SARNP: variants seen among roughly 807,000 people sequenced by gnomAD.
The protein encoded by SARNP is SAP domain containing ribonucleoprotein, also known as SAP domain-containing ribonucleoprotein.
A neutral mutation model predicts 38.1 loss-of-function variants in SARNP; 5 were observed. That is an observed-to-expected ratio of 0.13 (90% CI 0.07 to 0.28). SARNP has a LOEUF of 0.28. Among genes scored for constraint, SARNP ranks in the 10% least tolerant of loss-of-function variants. The pLI is 1.00. For missense variants in SARNP, 180 were observed against 243.9 expected (o/e 0.74, Z 1.75); for synonymous variants, 84 against 80.6 (o/e 1.04, Z -0.23).
At chr12:55,779,148 T>C (rs1879269801) in intron 9 of SARNP, among the ~76,000 whole-genome samples, 1 of 152,234 alleles carries the variant, frequency 6.6e-6, no homozygotes, top group Non-Finnish European at 1.5e-5. Context: ...GCTATCTCTA[T>C]CTACCATAGA....
At chr12:55,760,258 T>C (rs1878633555) in intron 10 of SARNP, among the ~76,000 whole-genome samples, 1 of 151,916 alleles carries the variant, frequency 6.6e-6, no homozygotes, top group African/African-American at 2.4e-5. Flanking sequence ...TCCCAGCAAT[T>C]TGGGAGCTGA....
intron 1 of SARNP, among the ~76,000 whole-genome samples, chr12:55,817,064 A>T (rs1880511035): frequency 1.3e-5 from 2 of 152,260 alleles, no homozygotes; most frequent in South Asian, 4.1e-4. Context: ...AGGTGTCTGT[A>T]CTTCTACTAT....
intron 2 of SARNP, 31 bp downstream of exon 2, chr12:55,803,598 T>C: frequency 7.4e-7 from 1 of 1,351,366 alleles, no homozygotes; most frequent in Non-Finnish European, 1.0e-6. Context: ...ATCCCCTCAC[T>C]CACATCACTC....
chr12:55,757,617 T>A, intron 10 of SARNP, 64 bp from the exon 11 acceptor site: 2 of 1,344,136 alleles, frequency 1.5e-6, no homozygotes, highest in Non-Finnish European at 2.1e-6. Flanking sequence ...GGTTCCTGGC[T>A]GCTTTAATCC....
Position 55,770,589 on chromosome 12 carries a change from T to C in SARNP, c.502-9949A>G, listed in dbSNP as rs563306836. Among the ~76,000 whole-genome samples the C allele has an allele frequency of 8.4e-4, 128 of 152,180 alleles. 1 individual carries two copies. The highest frequency in any genetic ancestry group is 3.4e-3 in the Middle Eastern group (1 of 294). On this transcript the variant is annotated intron_variant, in intron 9 of 10. Transcript: ENST00000336133. ...GTTCTTAGCAATGATTTCCATGGCA[T>C]ATATACTGTAGCCAGGAAGTAAGTT...
intron 4 of SARNP, 76 bp from the exon 5 acceptor site, chr12:55,796,152 A>C: frequency 9.8e-7 from 1 of 1,021,924 alleles, no homozygotes; most frequent in Non-Finnish European, 1.5e-6. Context: ...GTAAGAATTC[A>C]CCTGAGTCAC....
chr12:55,795,512 G>A (rs1050560154), intron 5 of SARNP, among the ~76,000 whole-genome samples: 1 of 152,188 alleles, frequency 6.6e-6, no homozygotes, highest in Non-Finnish European at 1.5e-5. Context: ...CAAAGGAATA[G>A]CTTGGTTCCA....
chr12:55,782,865 C>T lies in SARNP; in HGVS notation c.501+6210G>A, dbSNP rs935723324. ...ATGGCTCATGGCCGTAATCTCAGCA[C>T]TTTGGGAGGCTGAGGCTGGCGGACT... On this transcript the variant is annotated intron_variant, in intron 9 of 10. Coordinates refer to ENST00000336133, the MANE Select transcript of SARNP (RefSeq NM_033082.4). Among the ~76,000 whole-genome samples, 17 of 152,204 alleles carry T rather than the reference C, an allele frequency of 1.1e-4. No homozygotes were observed. The South Asian group carries it at 1.7e-3, about 15-fold the overall frequency.
At chr12:55,787,130 G>A (rs1879520627) in intron 9 of SARNP, among the ~76,000 whole-genome samples, 1 of 151,786 alleles carries the variant, frequency 6.6e-6, no homozygotes, top group South Asian at 2.1e-4. Flanking sequence ...TACTCAGGAG[G>A]CTGAGGTGGG....
intron 1 of SARNP, among the ~76,000 whole-genome samples, chr12:55,804,939 T>C (rs1592580443): frequency 2.6e-5 from 4 of 152,220 alleles, no homozygotes; most frequent in Admixed American, 2.6e-4. Context: ...TAGGAGAACA[T>C]TTCATAATGA....
intron 9 of SARNP, among the ~76,000 whole-genome samples, chr12:55,768,912 T>A (rs1592558413): frequency 6.6e-6 from 1 of 151,506 alleles, no homozygotes. Context: ...TTAGTAGAGA[T>A]GGGGTTTCAC....
chr12:55,794,988 C>T (rs562649018), intron 5 of SARNP, 108 bp from the exon 6 acceptor site: 54 of 591,328 alleles, frequency 9.1e-5, no homozygotes, highest in Non-Finnish European at 1.4e-4. Flanking sequence ...AAAAAAGAGT[C>T]TCACTCTGTC....
intron 1 of SARNP, among the ~76,000 whole-genome samples, chr12:55,814,063 C>T (rs1408212922): frequency 6.6e-6 from 1 of 152,154 alleles, no homozygotes; most frequent in African/African-American, 2.4e-5. Flanking sequence ...ATGAAGCATT[C>T]TGAAGAAATT....
chr12:55,760,165 A>G (rs1878630594), intron 10 of SARNP, among the ~76,000 whole-genome samples: 1 of 152,206 alleles, frequency 6.6e-6, no homozygotes, highest in Admixed American at 6.5e-5. Flanking sequence ...ACCCAGAAAA[A>G]AAGTTATCAA....
intron 9 of SARNP, among the ~76,000 whole-genome samples, chr12:55,781,533 C>CAAAAAAAAAAAAAAAACAAAAAAA (rs56737127): frequency 1.2e-5 from 1 of 86,660 alleles, no homozygotes; most frequent in Non-Finnish European, 2.5e-5. Flanking sequence ...AACTCCGTCT[C>CAAAAAAAAAAAAAAAACAAAAAAA]AAAAAAAAAA....
chr12:55,787,689 G>C lies in SARNP; in HGVS notation c.501+1386C>G, dbSNP rs960280562. ...GACCTCAGGTGATCTGCCCACCTCA[G>C]CCTCCCAAAGTGCTGGGATTACAGG... On this transcript the variant is annotated intron_variant, in intron 9 of 10. Coordinates refer to ENST00000336133, the MANE Select transcript of SARNP (RefSeq NM_033082.4). 2.6e-5 allele frequency among the ~76,000 whole-genome samples: 4 copies of C among 152,030 alleles called. No individual in the cohort carries two copies. In the East Asian group the frequency reaches 5.8e-4, roughly 22 times the overall value.
At chr12:55,812,952 AT>A (rs879651394) in intron 1 of SARNP, among the ~76,000 whole-genome samples, 49 of 147,716 alleles carry the variant, frequency 3.3e-4, no homozygotes, top group Admixed American at 4.8e-4. Flanking sequence ...CGTTTAGCTG[AT>A]TTTTTTTTTT....
intron 1 of SARNP, among the ~76,000 whole-genome samples, chr12:55,815,546 G>A (rs760618245): frequency 1.9e-4 from 29 of 152,016 alleles, no homozygotes; most frequent in Admixed American, 5.2e-4. Context: ...CCTCCAACCC[G>A]GGCTCAAGCG....
chr12:55,786,884 CAG>C (rs934283087), intron 9 of SARNP, among the ~76,000 whole-genome samples: 3 of 152,154 alleles, frequency 2.0e-5, no homozygotes, highest in African/African-American at 7.2e-5. Context: ...CCAATGGTCT[CAG>C]CATCATGCTA....
Sources: allele counts gnomAD v4.1 joint callset (sites outside exome capture counted in the v4.1 genomes callset), GRCh38; gene constraint gnomAD v4.1.1; transcripts MANE v1.5; gene names NCBI Gene and HGNC (gene_info 2026-07-23, HGNC 2026-07-21).